CLGN: variants seen among roughly 807,000 people sequenced by gnomAD.
CLGN encodes calmegin, also known as testis tissue sperm-binding protein Li 79P.
CLGN carries 62 observed loss-of-function variants against 79.1 expected under a neutral mutation model. The ratio of observed to expected loss-of-function variants is 0.78; its 90% CI spans 0.64 to 0.97. CLGN has a LOEUF of 0.97. Among genes scored for constraint, CLGN ranks in the 50% least tolerant of loss-of-function variants. The pLI, the probability that CLGN is intolerant of heterozygous loss-of-function variation, is 0.00. For synonymous variants in CLGN, 225 were observed against 224.7 expected, an observed-to-expected ratio of 1.00 and a Z score of -0.01; for missense variants, 647 against 715.5, an observed-to-expected ratio of 0.90 and a Z score of 1.09.
intron 11 of CLGN, among the ~76,000 whole-genome samples, chr4:140,393,222 G>T (rs1387007712): frequency 6.6e-6 from 1 of 151,938 alleles, no homozygotes; most frequent in Non-Finnish European, 1.5e-5. Flanking sequence ...GTTACAAGAG[G>T]TTCAAAACAA....
chr4:140,408,202 C>T (rs1187401544), intron 4 of CLGN, among the ~76,000 whole-genome samples: 1 of 151,944 alleles, frequency 6.6e-6, no homozygotes, highest in African/African-American at 2.4e-5. Context: ...AGACTTAAAC[C>T]TAAGATCTGA....
At chr4:140,418,298 A>G (rs1205287833) in intron 1 of CLGN, among the ~76,000 whole-genome samples, 42 of 149,668 alleles carry the variant, frequency 2.8e-4, no homozygotes, top group African/African-American at 9.1e-4. Context: ...ATGGGCAAGG[A>G]CTTCATGTCT....
chr4:140,402,723 T>C (rs375466259), intron 5 of CLGN, among the ~76,000 whole-genome samples: 4 of 148,816 alleles, frequency 2.7e-5, no homozygotes, highest in African/African-American at 9.9e-5. Flanking sequence ...AGTTTTTTTT[T>C]CTTTATTGGT....
rs556342287 is a variant in CLGN, at chr4:140,399,047, G to A, written c.695-7C>T. ...GTGTCATCTGGATTCATCACTAAGG[G>A]ACCAATTTAAATAAATTATAGTTAT... On this transcript the variant is annotated splice_region_variant and splice_polypyrimidine_tract_variant and intron_variant, in intron 7 of 14. Coordinates refer to ENST00000325617, the MANE Select transcript of CLGN (RefSeq NM_004362.3). 44 of 1,586,358 alleles carry A rather than the reference G, an allele frequency of 2.8e-5. No homozygotes were observed. The highest frequency in any genetic ancestry group is 3.7e-5 in the Non-Finnish European group (43 of 1,169,852).
chr4:140,420,443 G>A (rs1185147123), intron 1 of CLGN, among the ~76,000 whole-genome samples: 1 of 151,870 alleles, frequency 6.6e-6, no homozygotes, highest in Non-Finnish European at 1.5e-5. Flanking sequence ...GAATAGCGTA[G>A]GTACTATTCC....
chr4:140,392,384 G>A lies in CLGN; in HGVS notation c.1492-6C>T, dbSNP rs984261724. On this transcript the variant is annotated splice_polypyrimidine_tract_variant and splice_region_variant and intron_variant, in intron 12 of 14. Coordinates refer to ENST00000325617, the MANE Select transcript of CLGN (RefSeq NM_004362.3). ...TCTGTATCTTTATGTTTTTTCTGTG[G>A]TAGTTAACATAAGTTATTTTTACTA... is the stretch of plus-strand genomic sequence containing the variant. The A allele has an allele frequency of 3.2e-6, 5 of 1,581,672 alleles. No homozygotes were observed. In the African/African-American group the frequency reaches 6.9e-5, roughly 22 times the overall value.
chr4:140,389,007 T>C lies in CLGN; in HGVS notation c.*217A>G, dbSNP rs377494050. The stretch of plus-strand genomic sequence containing the variant: ...TGGTATTAATCTCTTAGATCCGATA[T>C]GTAATGTGCCACTTTTATTCTAAAT... On this transcript the variant is annotated 3_prime_UTR_variant, in exon 15 of 15. Transcript: ENST00000325617. The C allele has an allele frequency of 1.5e-4, 77 of 526,718 alleles. No individual in the cohort carries two copies. The South Asian group carries it at 2.0e-3, about 13-fold the overall frequency. 32.6% of individuals were successfully genotyped at this position (526,718 alleles called of 1,614,324 possible). A position where few individuals can be genotyped will look rare whatever the true frequency, so the allele number is the denominator to read the frequency against.
In CLGN at chr4:140,396,219, G is replaced by A. The variant is rs540155505; in HGVS notation, c.885-14C>T. On this transcript the variant is annotated splice_polypyrimidine_tract_variant and intron_variant, in intron 8 of 14. Transcript: ENST00000325617. ...TCACTTTCATCCCTGTAAATACAACGTTTTATATTACTAATTATTCAGAAA... is the reference window on the plus strand; with the variant it reads ...TCACTTTCATCCCTGTAAATACAACATTTTATATTACTAATTATTCAGAAA... The A allele has an allele frequency of 9.0e-6, 14 of 1,552,868 alleles. No individual in the cohort carries two copies. The highest frequency in any genetic ancestry group is 4.5e-5 in the East Asian group (2 of 44,520).
intron 9 of CLGN, 37 bp from the exon 10 acceptor site, chr4:140,396,006 A>T: frequency 1.9e-6 from 3 of 1,605,870 alleles, no homozygotes; most frequent in Non-Finnish European, 2.6e-6. Flanking sequence ...CAGTAACCTC[A>T]AGTCTCAGAT....
At position 140,392,385 on chromosome 4, in the gene CLGN, T is replaced by C. The variant is rs758462044; in HGVS notation, c.1492-7A>G. The C allele has an allele frequency of 3.2e-6, 5 of 1,580,780 alleles. No individual in the cohort carries two copies. The African/African-American group carries it at 5.5e-5, about 17-fold the overall frequency. Reference sequence around the variant, plus strand: ...CTGTATCTTTATGTTTTTTCTGTGGTAGTTAACATAAGTTATTTTTACTAA... The same window carrying C: ...CTGTATCTTTATGTTTTTTCTGTGGCAGTTAACATAAGTTATTTTTACTAA... On this transcript the variant is annotated splice_polypyrimidine_tract_variant and splice_region_variant and intron_variant, in intron 12 of 14. Transcript: ENST00000325617.
Position 140,398,974 on chromosome 4 carries a change from A to G in CLGN, c.761T>C (p.Leu254Pro). The G allele has an allele frequency of 6.2e-7, 1 of 1,613,878 alleles. No homozygotes were observed. Among genetic ancestry groups the G allele is most frequent in the East Asian group, 2.2e-5 (1 of 44,834 alleles). The change falls in exon 8 of 15, where the codon CTA (leucine) becomes CCA (proline). Residue 254 changes from leucine to proline, a missense_variant. By Grantham distance (98) the Leu-to-Pro change is moderately conservative. Coordinates refer to ENST00000325617, the MANE Select transcript of CLGN (RefSeq NM_004362.3). ...DQTVVNKGSL[L>P]EDVVPPIKPP... is the part of the protein sequence containing the mutation. ...TTTGATAGGAGGAACCACATCCTCTAGGAGGCTTCCTTTGTTTACAACTGT... is the reference window on the plus strand; with the variant it reads ...TTTGATAGGAGGAACCACATCCTCTGGGAGGCTTCCTTTGTTTACAACTGT...
intron 11 of CLGN, 74 bp from the exon 12 acceptor site, chr4:140,392,785 A>C: frequency 7.2e-7 from 1 of 1,394,612 alleles, no homozygotes; most frequent in Non-Finnish European, 9.5e-7. Flanking sequence ...GATACAAAAA[A>C]ACTTATTTAC....
rs575401996 is a variant in CLGN at position 140,409,753 on chromosome 4, C to T, written c.277+84G>A. 6 of 830,106 alleles carry T rather than the reference C, an allele frequency of 7.2e-6. No homozygotes were observed. The South Asian group carries it at 7.6e-5, about 11-fold the overall frequency. The allele number at this position is 830,106 out of a possible 1,614,324, so 51.4% of individuals were successfully genotyped here. ...AGGCAGGGTGGGGGACTCCAGCCAA[C>T]ACAATTTAACAAAAATCTAATCTCA... On this transcript the variant is annotated intron_variant, in intron 4 of 14. Transcript: ENST00000325617.
chr4:140,395,849 T>A lies in CLGN; in HGVS notation c.1119A>T (p.Arg373Ser), dbSNP rs377332621. 86 of 1,545,278 alleles carry A rather than the reference T, an allele frequency of 5.6e-5. No homozygotes were observed. The highest frequency in any genetic ancestry group is 2.5e-5 in the Non-Finnish European group (29 of 1,153,510). The stretch of plus-strand genomic sequence containing the variant: ...AGTTAGGATTATCGACCAGTGGAGG[T>A]CTCCATACTCCTTTGTATTTTGGGT... ...IDNPKYKGVWRPPLVDNPNYQ... is the reference protein window; with the variant it reads ...IDNPKYKGVWSPPLVDNPNYQ... Residue 373 changes from arginine (R) to serine (S), a missense_variant, in exon 10 of 15, where the codon AGA becomes AGT. Arg to Ser is a moderately radical substitution (Grantham distance 110). Coordinates refer to ENST00000325617, the MANE Select transcript of CLGN (RefSeq NM_004362.3).
rs149051820 is a variant in CLGN, at chr4:140,400,356, C to A, written c.694+1G>T. On this transcript the variant is annotated splice_donor_variant, in intron 7 of 14. Coordinates refer to ENST00000325617, the MANE Select transcript of CLGN (RefSeq NM_004362.3). LOFTEE classifies it high-confidence loss of function. ...TACATGAATGAATTAAAAGGGTATACCAAGGGTATAAAGATGAGTCTTCCT... is the reference window on the plus strand; with the variant it reads ...TACATGAATGAATTAAAAGGGTATAACAAGGGTATAAAGATGAGTCTTCCT... 314 of 1,591,940 alleles carry A rather than the reference C, an allele frequency of 2.0e-4. No individual in the cohort carries two copies. The highest frequency in any genetic ancestry group is 2.6e-4 in the Non-Finnish European group (300 of 1,165,564).
chr4:140,409,776 T>G, intron 4 of CLGN, 61 bp downstream of exon 4: 6 of 1,141,132 alleles, frequency 5.3e-6, no homozygotes, highest in Non-Finnish European at 7.5e-6. Context: ...AAATCTAATC[T>G]CAAAGTTTAG....
chr4:140,391,295 G>C (rs190471531), intron 13 of CLGN, among the ~76,000 whole-genome samples: 3 of 151,722 alleles, frequency 2.0e-5, no homozygotes, highest in African/African-American at 7.2e-5. Context: ...TCCAATGTGG[G>C]ACTACGTGTA....
rs775889959 is a variant in CLGN, at chr4:140,400,475, A to G, written c.576T>C (p.His192=). The change falls in exon 7 of 15, where the codon CAT becomes CAC. Residue 192 remains histidine, a synonymous_variant. Coordinates refer to ENST00000325617, the MANE Select transcript of CLGN (RefSeq NM_004362.3). ...TGGGATGTTTATGTCTGAAGATAAA[A>G]TGAAGTTTATAATCTTCTCCACATT... is the stretch of plus-strand genomic sequence containing the variant. ...PDKCGEDYKL[H]FIFRHKHPKT... The G allele has an allele frequency of 2.5e-6, 4 of 1,605,952 alleles. No homozygotes were observed. Among genetic ancestry groups the G allele is most frequent in the Admixed American group, 1.7e-5 (1 of 59,964 alleles).
intron 1 of CLGN, among the ~76,000 whole-genome samples, chr4:140,416,052 C>G (rs1444625236): frequency 6.0e-5 from 4 of 66,808 alleles, no homozygotes; most frequent in African/African-American, 2.9e-4. Flanking sequence ...GAATCTCACT[C>G]AAAACCGCTC....
Sources: gnomAD v4.1 joint callset for allele counts (sites outside exome capture counted in the v4.1 genomes callset) on GRCh38, gnomAD v4.1.1 for gene constraint, MANE v1.5 for transcripts, NCBI Gene and HGNC (gene_info 2026-07-23, HGNC 2026-07-21) for gene names.